The following EPHB1 variants were observed in gnomAD, a reference collection of about 807,000 sequenced individuals.
EPHB1 encodes the protein EPH receptor B1.
EPHB1 carries 30 observed loss-of-function variants against 94.4 expected under a neutral mutation model. The ratio of observed to expected loss-of-function variants is 0.32; its 90% CI spans 0.24 to 0.43. The LOEUF (loss-of-function observed/expected upper bound fraction) is 0.43, where lower values mean the gene tolerates loss of function less well. Ranked by LOEUF, EPHB1 falls within the 20% of genes least tolerant of loss-of-function variation. EPHB1 has a pLI of 1.00. For missense variants in EPHB1, 1,055 were observed against 1,308.3 expected, an observed-to-expected ratio of 0.81 and a Z score of 2.99; for synonymous variants, 522 against 489.1, an observed-to-expected ratio of 1.07 and a Z score of -0.89.
intron 3 of EPHB1, among the ~76,000 whole-genome samples, chr3:135,088,572 T>C (rs1257650186): frequency 6.6e-6 from 1 of 152,222 alleles, no homozygotes. Flanking sequence ...GCTTTGACAT[T>C]CTTAGCACAC....
intron 12 of EPHB1, among the ~76,000 whole-genome samples, chr3:135,222,507 A>G (rs1011603889): frequency 1.3e-5 from 2 of 152,192 alleles, no homozygotes; most frequent in African/African-American, 4.8e-5. Flanking sequence ...GCCTTAGCAC[A>G]ATGAGAAGAC....
chr3:135,007,304 G>A (rs1227713440), intron 3 of EPHB1, among the ~76,000 whole-genome samples: 1 of 152,130 alleles, frequency 6.6e-6, no homozygotes, highest in African/African-American at 2.4e-5. Context: ...TTTTCTGATT[G>A]TTGGAAAGAT....
At chr3:134,881,871 A>G (rs2037737448) in intron 1 of EPHB1, among the ~76,000 whole-genome samples, 1 of 152,204 alleles carries the variant, frequency 6.6e-6, no homozygotes, top group African/African-American at 2.4e-5. Flanking sequence ...ACATCTGACC[A>G]TGGTTTCATG....
At chr3:135,125,376 G>A (rs1431430180) in intron 4 of EPHB1, among the ~76,000 whole-genome samples, 4 of 151,828 alleles carry the variant, frequency 2.6e-5, no homozygotes, top group African/African-American at 7.3e-5. Flanking sequence ...AGAACACATA[G>A]GCTTATGCCA....
At chr3:134,851,647 C>T (rs181474767) in intron 1 of EPHB1, among the ~76,000 whole-genome samples, 1 of 152,206 alleles carries the variant, frequency 6.6e-6, no homozygotes, top group African/African-American at 2.4e-5. Context: ...CTTGGGTGCC[C>T]TGACCTGTGG....
At chr3:135,244,666 A>G (rs1943878106) in intron 13 of EPHB1, among the ~76,000 whole-genome samples, 1 of 152,236 alleles carries the variant, frequency 6.6e-6, no homozygotes, top group South Asian at 2.1e-4. Flanking sequence ...AGTGTGACAG[A>G]GAATGATTTC....
chr3:134,806,100 T>C (rs2036037658), intron 1 of EPHB1, among the ~76,000 whole-genome samples: 1 of 152,220 alleles, frequency 6.6e-6, no homozygotes, highest in Non-Finnish European at 1.5e-5. Flanking sequence ...CCTGAGATCA[T>C]GTCCTATGTA....
At chr3:135,183,369 A>G (rs1041594175) in intron 10 of EPHB1, among the ~76,000 whole-genome samples, 1 of 151,890 alleles carries the variant, frequency 6.6e-6, no homozygotes, top group Non-Finnish European at 1.5e-5. Context: ...AAGAGGTTGC[A>G]GAAGAACTAC....
chr3:135,088,657 G>A (rs1938445107), intron 3 of EPHB1, among the ~76,000 whole-genome samples: 1 of 152,122 alleles, frequency 6.6e-6, no homozygotes, highest in Non-Finnish European at 1.5e-5. Flanking sequence ...GCAAAAATGA[G>A]GAAGGATGGA....
At chr3:134,866,425 A>C (rs1515365) in intron 1 of EPHB1, among the ~76,000 whole-genome samples, 150,701 of 152,316 alleles carry the variant, frequency 0.99, 74,572 homozygotes, top group Middle Eastern at 1. Flanking sequence ...AAGCTGCCCA[A>C]AGGCCATGCC....
Position 135,250,727 on chromosome 3 carries a change from C to T in EPHB1, c.2846+1236C>T, listed in dbSNP as rs557805558. ...CAAACACACACACATACACACACACCGGGGGGACTTCATGGGCTCCGTGGG... is the reference window on the plus strand; with the variant it reads ...CAAACACACACACATACACACACACTGGGGGGACTTCATGGGCTCCGTGGG... On this transcript the variant is annotated intron_variant, in intron 15 of 15. Coordinates refer to ENST00000398015, the MANE Select transcript of EPHB1 (RefSeq NM_004441.5). 7.9e-5 allele frequency among the ~76,000 whole-genome samples: 12 copies of T among 152,086 alleles called. No individual in the cohort carries two copies. In the South Asian group the frequency reaches 2.1e-3, roughly 26 times the overall value.
chr3:134,904,734 A>T (rs2038282584), intron 1 of EPHB1, among the ~76,000 whole-genome samples: 1 of 152,234 alleles, frequency 6.6e-6, no homozygotes, highest in Non-Finnish European at 1.5e-5. Context: ...CTGATCACAG[A>T]TAGTCAGGGA....
chr3:134,962,433 C>T (rs1933556275), intron 3 of EPHB1, among the ~76,000 whole-genome samples: 1 of 152,190 alleles, frequency 6.6e-6, no homozygotes, highest in South Asian at 2.1e-4. Context: ...ACGTGCCTCC[C>T]ACCGATTTTG....
chr3:134,922,263 GA>G (rs1441287589), intron 1 of EPHB1, among the ~76,000 whole-genome samples: 1 of 152,234 alleles, frequency 6.6e-6, no homozygotes, highest in African/African-American at 2.4e-5. Flanking sequence ...CCTCTCCAGG[GA>G]GATGTAAACC....
At chr3:135,117,420 TC>T (rs1939761926) in intron 4 of EPHB1, among the ~76,000 whole-genome samples, 1 of 152,238 alleles carries the variant, frequency 6.6e-6, no homozygotes, top group Non-Finnish European at 1.5e-5. Context: ...GGGCTTAAAA[TC>T]TGGACTTTCC....
intron 12 of EPHB1, among the ~76,000 whole-genome samples, chr3:135,212,628 A>G (rs761442674): frequency 6.6e-6 from 1 of 152,198 alleles, no homozygotes; most frequent in Non-Finnish European, 1.5e-5. Context: ...TCTTGTTTCT[A>G]GGGATTCTCC....
intron 3 of EPHB1, among the ~76,000 whole-genome samples, chr3:135,084,620 G>A (rs569625821): frequency 6.6e-6 from 1 of 152,294 alleles, no homozygotes; most frequent in East Asian, 1.9e-4. Context: ...GCAGTCCAGA[G>A]AAGGTGAGTC....
chr3:134,882,229 C>G (rs565800114), intron 1 of EPHB1, among the ~76,000 whole-genome samples: 1 of 152,082 alleles, frequency 6.6e-6, no homozygotes, highest in Admixed American at 6.5e-5. Context: ...ATAAGGTAGA[C>G]AAAAGAGGAA....
rs747898314 is a variant in EPHB1 at position 135,132,756 on chromosome 3, AGACGTCCATCATTC to A, written c.1005_1018del (p.Glu335AspfsTer14). 6.2e-7 allele frequency: 1 copy of A among 1,608,728 alleles called. No homozygotes were observed. The highest frequency in any genetic ancestry group is 8.5e-7 in the Non-Finnish European group (1 of 1,175,706). On this transcript the variant is annotated frameshift_variant, in exon 5 of 16. Transcript: ENST00000398015. LOFTEE classifies it high-confidence loss of function. ...CGCAATGTTATCTCCATCGTCAATG[AGACGTCCATCATTC>A]TGGAGTGGCACCCTCCAAGGGAGAC... is the stretch of plus-strand genomic sequence containing the variant.
Sources: gnomAD v4.1 joint callset for allele counts (sites outside exome capture counted in the v4.1 genomes callset) on GRCh38, gnomAD v4.1.1 for gene constraint, MANE v1.5 for transcripts, NCBI Gene and HGNC (gene_info 2026-07-23, HGNC 2026-07-21) for gene names.